Variants in LUZP2 observed in about 807,000 individuals in gnomAD.
The protein encoded by LUZP2 is leucine zipper protein 2.
LUZP2 carries 52 observed loss-of-function variants against 51.6 expected under a neutral mutation model. That is an observed-to-expected ratio of 1.01 (90% confidence interval 0.81 to 1.27). The LOEUF is 1.27. LUZP2 is among the 50% of genes most tolerant of loss of function. The pLI is 0.00. For missense variants in LUZP2, 436 were observed against 395.4 expected, an observed-to-expected ratio of 1.10 and a Z score of -0.87; for synonymous variants, 154 against 137.3, an observed-to-expected ratio of 1.12 and a Z score of -0.85.
At chr11:24,944,525 G>C (rs1316824144) in intron 7 of LUZP2, among the ~76,000 whole-genome samples, 1 of 152,198 alleles carries the variant, frequency 6.6e-6, no homozygotes, top group Non-Finnish European at 1.5e-5. Context: ...ATATCCAGTA[G>C]AGAGTAGAAA....
At chr11:24,821,939 G>A (rs559481358) in intron 5 of LUZP2, among the ~76,000 whole-genome samples, 8 of 150,240 alleles carry the variant, frequency 5.3e-5, no homozygotes, top group Middle Eastern at 3.3e-3. Context: ...TATGAATTCT[G>A]TAGTAAAACT....
intron 1 of LUZP2, among the ~76,000 whole-genome samples, chr11:24,522,939 C>T (rs1201093725): frequency 6.6e-6 from 1 of 152,056 alleles, no homozygotes; most frequent in Admixed American, 6.6e-5. Context: ...CCCCAAACTT[C>T]TGTGCCTTAC....
chr11:24,731,390 G>A (rs566955363), intron 2 of LUZP2, among the ~76,000 whole-genome samples: 16 of 151,608 alleles, frequency 1.1e-4, no homozygotes, highest in African/African-American at 2.9e-4. Flanking sequence ...AAGAATGACC[G>A]GTTACCCTAT....
chr11:24,556,444 T>C (rs1478771409), intron 1 of LUZP2, among the ~76,000 whole-genome samples: 2 of 152,096 alleles, frequency 1.3e-5, no homozygotes, highest in African/African-American at 4.8e-5. Flanking sequence ...GATTCTGACA[T>C]ATTATATCAA....
At chr11:24,939,941 G>A (rs1854695616) in intron 7 of LUZP2, among the ~76,000 whole-genome samples, 1 of 152,010 alleles carries the variant, frequency 6.6e-6, no homozygotes, top group Non-Finnish European at 1.5e-5. Context: ...TATCCTTGCA[G>A]CCAATGAGGG....
intron 7 of LUZP2, among the ~76,000 whole-genome samples, chr11:24,926,612 T>G (rs1456227953): frequency 6.9e-6 from 1 of 145,912 alleles, no homozygotes; most frequent in Non-Finnish European, 1.5e-5. Context: ...TGTGTATATA[T>G]GTATATATAT....
chr11:24,716,647 A>G (rs1284734287), intron 1 of LUZP2, among the ~76,000 whole-genome samples: 1 of 152,198 alleles, frequency 6.6e-6, no homozygotes, highest in Non-Finnish European at 1.5e-5. Flanking sequence ...CTGTAATCCC[A>G]GCACTTTGAG....
Position 25,050,103 on chromosome 11 carries a change from A to G in LUZP2, c.831A>G (p.Pro277=). Residue 277 remains proline (P), a synonymous_variant, in exon 10 of 12, where the codon CCA becomes CCG. Transcript: ENST00000336930. ...TTGAGTCAACAAAGGAAGGAAATCCAAGTACCACTGCCTGTGACTCTCAAG... is the reference window on the plus strand; with the variant it reads ...TTGAGTCAACAAAGGAAGGAAATCCGAGTACCACTGCCTGTGACTCTCAAG... ...SQVESTKEGN[P]STTACDSQDE... 1 of 1,601,816 alleles carries G rather than the reference A, an allele frequency of 6.2e-7. No individual in the cohort carries two copies. Among genetic ancestry groups the G allele is most frequent in the Non-Finnish European group, 8.5e-7 (1 of 1,173,550 alleles).
At chr11:25,040,515 T>C (rs191802084) in intron 9 of LUZP2, among the ~76,000 whole-genome samples, 33 of 152,104 alleles carry the variant, frequency 2.2e-4, no homozygotes, top group African/African-American at 7.7e-4. Flanking sequence ...AACAAATAGA[T>C]TGGAATCTGA....
chr11:24,936,069 T>C (rs1216424099), intron 7 of LUZP2, among the ~76,000 whole-genome samples: 1 of 152,144 alleles, frequency 6.6e-6, no homozygotes, highest in Non-Finnish European at 1.5e-5. Flanking sequence ...CTAGTGTTTT[T>C]GTTAACCTAA....
chr11:24,922,893 G>C (rs1288802801), intron 7 of LUZP2, among the ~76,000 whole-genome samples: 4 of 133,794 alleles, frequency 3.0e-5, no homozygotes, highest in African/African-American at 5.6e-5. Context: ...CCATTGCCCA[G>C]GCTGGAGTGC....
At chr11:24,676,420 G>A (rs933196393) in intron 1 of LUZP2, among the ~76,000 whole-genome samples, 7 of 152,058 alleles carry the variant, frequency 4.6e-5, no homozygotes, top group Non-Finnish European at 8.8e-5. Flanking sequence ...GCATTAGTTA[G>A]AATATAATCC....
At chr11:24,885,167 G>A (rs987942786) in intron 5 of LUZP2, among the ~76,000 whole-genome samples, 1 of 152,002 alleles carries the variant, frequency 6.6e-6, no homozygotes, top group African/African-American at 2.4e-5. Flanking sequence ...AAACTTGCCT[G>A]CAGTCTACTA....
intron 10 of LUZP2, among the ~76,000 whole-genome samples, chr11:25,073,220 C>T (rs936368945): frequency 6.6e-6 from 1 of 152,142 alleles, no homozygotes; most frequent in African/African-American, 2.4e-5. Context: ...GAGCCTTGCA[C>T]TGGTTTATCT....
At chr11:24,699,865 G>C (rs1857370889) in intron 1 of LUZP2, among the ~76,000 whole-genome samples, 1 of 150,834 alleles carries the variant, frequency 6.6e-6, no homozygotes, top group South Asian at 2.1e-4. Context: ...TTGAAATGAA[G>C]AGTTTTGAAC....
chr11:24,665,305 C>T lies in LUZP2; in HGVS notation c.63-63864C>T, dbSNP rs151294692. Among the ~76,000 whole-genome samples, 37 of 152,266 alleles carry T rather than the reference C, an allele frequency of 2.4e-4. 1 individual carries two copies. The East Asian group carries it at 6.0e-3, about 25-fold the overall frequency. On this transcript the variant is annotated intron_variant, in intron 1 of 11. Transcript: ENST00000336930. ...TATTTACCCATTGCCTGTACTCCAT[C>T]GTACCTAGAAAGTAACTAACTTGCT...
At chr11:24,535,031 T>C (rs924048122) in intron 1 of LUZP2, among the ~76,000 whole-genome samples, 1 of 151,442 alleles carries the variant, frequency 6.6e-6, no homozygotes, top group African/African-American at 2.4e-5. Flanking sequence ...CGTTTTGCTT[T>C]CCCAGTACAT....
chr11:24,996,617 A>G (rs942078555), intron 9 of LUZP2, among the ~76,000 whole-genome samples: 6 of 136,704 alleles, frequency 4.4e-5, no homozygotes, highest in Middle Eastern at 3.7e-3. Flanking sequence ...ATTTTATTTT[A>G]TTTTATTTTA....
chr11:24,583,927 T>A (rs1489905512), intron 1 of LUZP2, among the ~76,000 whole-genome samples: 8 of 151,732 alleles, frequency 5.3e-5, no homozygotes, highest in African/African-American at 1.9e-4. Flanking sequence ...TTAGCGAGGA[T>A]GGTCTCGATC....
Sources: gnomAD v4.1 joint callset for allele counts (sites outside exome capture counted in the v4.1 genomes callset) on GRCh38, gnomAD v4.1.1 for gene constraint, MANE v1.5 for transcripts, NCBI Gene and HGNC (gene_info 2026-07-23, HGNC 2026-07-21) for gene names.